SMARCD1: variants seen among roughly 807,000 people sequenced by gnomAD.
SMARCD1 encodes SWI/SNF-related matrix-associated actin-dependent regulator of chromatin subfamily D member 1.
Under a neutral mutation model 70.8 loss-of-function variants are expected in SMARCD1, and 16 were observed. The observed-to-expected ratio is 0.23, with a 90% confidence interval of 0.15 to 0.34. The LOEUF (loss-of-function observed/expected upper bound fraction) is 0.34. SMARCD1 is among the 10% of genes least tolerant of loss of function. The probability of loss-of-function intolerance (pLI) is 1.00; values close to 1 mark genes in which losing one functional copy is unlikely to be tolerated. For missense variants in SMARCD1, 409 were observed against 655.5 expected, an observed-to-expected ratio of 0.62 and a Z score of 4.11; for synonymous variants, 249 against 246.0, an observed-to-expected ratio of 1.01 and a Z score of -0.11.
At position 50,086,359 on chromosome 12, in the gene SMARCD1, C is replaced by G. The variant is rs770257414; in HGVS notation, c.365+11C>G. On this transcript the variant is annotated intron_variant, in intron 2 of 12. Transcript: ENST00000394963. The stretch of plus-strand genomic sequence containing the variant: ...AAATCGAAACCACAAGTAAGATGAT[C>G]CTGGGGCAGAGGGAGGGAGGGAGGG... 1.5e-5 allele frequency: 23 copies of G among 1,568,848 alleles called. No individual in the cohort carries two copies. The highest frequency in any genetic ancestry group is 1.8e-4 in the Middle Eastern group (1 of 5,690).
chr12:50,099,187 C>T lies in SMARCD1; in HGVS notation c.*187C>T. 1 of 628,064 alleles carries T rather than the reference C, an allele frequency of 1.6e-6. No individual in the cohort carries two copies. 38.9% of individuals were successfully genotyped at this position (628,064 alleles called of 1,614,324 possible). Reference sequence around the variant, plus strand: ...TCCTCTTCTTTCACCCTATCTCTTCCCACCCCCAGCTTCCCTTTGCCCCAC... The same window carrying T: ...TCCTCTTCTTTCACCCTATCTCTTCTCACCCCCAGCTTCCCTTTGCCCCAC... On this transcript the variant is annotated 3_prime_UTR_variant, in exon 13 of 13. Transcript: ENST00000394963.
chr12:50,091,215 T>C (rs553951572), intron 9 of SMARCD1, among the ~76,000 whole-genome samples: 1 of 152,160 alleles, frequency 6.6e-6, no homozygotes, highest in South Asian at 2.1e-4. Context: ...GATGTGCTTA[T>C]GTGTTACTGT....
In SMARCD1 at chr12:50,089,897, C is replaced by T. The variant is rs765056152; in HGVS notation, c.785C>T (p.Ala262Val). 5.6e-6 allele frequency: 9 copies of T among 1,614,092 alleles called. No homozygotes were observed. The highest frequency in any genetic ancestry group is 7.6e-6 in the Non-Finnish European group (9 of 1,179,960). The part of the protein sequence containing the change: ...DNHLVEWHRT[A>V]TTQETDGFQV... ...TCCTCTCTGTAGTGGCACAGGACCG[C>T]CACTACCCAGGAGACCGATGGCTTT... The change falls in exon 7 of 13, where the codon GCC (alanine) becomes GTC (valine). Residue 262 changes from alanine to valine, a missense_variant. Physicochemically the swap from Ala to Val is moderately conservative, Grantham distance 64. Coordinates refer to ENST00000394963, the MANE Select transcript of SMARCD1 (RefSeq NM_003076.5).
At chr12:50,091,658 C>T (rs1411342099) in intron 9 of SMARCD1, among the ~76,000 whole-genome samples, 1 of 151,984 alleles carries the variant, frequency 6.6e-6, no homozygotes, top group Non-Finnish European at 1.5e-5. Context: ...CTCACTGAAA[C>T]CTCCGCCACC....
At chr12:50,094,912 C>T (rs1040263327) in intron 10 of SMARCD1, among the ~76,000 whole-genome samples, 2 of 152,186 alleles carry the variant, frequency 1.3e-5, no homozygotes, top group Non-Finnish European at 2.9e-5. Context: ...ATTCTCCTGC[C>T]TCAGCCTCCC....
chr12:50,085,922 G>A, intron 1 of SMARCD1: 1 of 401,816 alleles, frequency 2.5e-6, no homozygotes, highest in Non-Finnish European at 4.4e-6. Context: ...AACTGGCGAT[G>A]TCCGATGTGT....
intron 10 of SMARCD1, among the ~76,000 whole-genome samples, chr12:50,096,434 C>CA (rs1950893733): frequency 6.6e-6 from 1 of 152,076 alleles, no homozygotes; most frequent in Non-Finnish European, 1.5e-5. Flanking sequence ...ATATACAAGT[C>CA]AAAGAAATTG....
In SMARCD1 at chr12:50,099,007, TC is replaced by T; in HGVS notation, c.*10del. On this transcript the variant is annotated 3_prime_UTR_variant, in exon 13 of 13. Coordinates refer to ENST00000394963, the MANE Select transcript of SMARCD1 (RefSeq NM_003076.5). ...GGGAATCCGGAATACATAGGGCCTCTCCCACAGCCCTGATTCGACTGCACCA... is the reference window on the plus strand; with the variant it reads ...GGGAATCCGGAATACATAGGGCCTCTCCACAGCCCTGATTCGACTGCACCA... 1 of 1,613,388 alleles carries T rather than the reference TC, an allele frequency of 6.2e-7. No individual in the cohort carries two copies. Among genetic ancestry groups the T allele is most frequent in the Non-Finnish European group, 8.5e-7 (1 of 1,179,344 alleles).
At chr12:50,090,938 C>T (rs1201817980) in intron 9 of SMARCD1, among the ~76,000 whole-genome samples, 1 of 148,726 alleles carries the variant, frequency 6.7e-6, no homozygotes, top group African/African-American at 2.5e-5. Flanking sequence ...CATTCTCCTG[C>T]CTCAGCCTCC....
At position 50,086,367 on chromosome 12, in the gene SMARCD1, A is replaced by AGAGG. The variant is rs749175151; in HGVS notation, c.365+35_365+38dup. The AGAGG allele has an allele frequency of 1.1e-5, 8 of 709,574 alleles. No individual in the cohort carries two copies. Among genetic ancestry groups the AGAGG allele is most frequent in the South Asian group, 3.0e-5 (2 of 66,286 alleles). The allele number at this position is 709,574 out of a possible 1,614,324, so 44.0% of individuals were successfully genotyped here. On this transcript the variant is annotated intron_variant, in intron 2 of 12. Coordinates refer to ENST00000394963, the MANE Select transcript of SMARCD1 (RefSeq NM_003076.5). ...ACCACAAGTAAGATGATCCTGGGGC[A>AGAGG]GAGGGAGGGAGGGAGGGAGCCTGGG...
intron 6 of SMARCD1, 31 bp from the exon 7 acceptor site, chr12:50,089,853 A>T: frequency 3.8e-6 from 5 of 1,302,706 alleles, no homozygotes; most frequent in Non-Finnish European, 5.5e-6. Context: ...TTCCTCTGGG[A>T]GAGCACCCCC....
Position 50,086,328 on chromosome 12 carries a change from G to A in SMARCD1, c.345G>A (p.Ala115=), listed in dbSNP as rs748214544. 2.1e-5 allele frequency: 34 copies of A among 1,598,464 alleles called. No individual in the cohort carries two copies. The highest frequency in any genetic ancestry group is 1.7e-4 in the Middle Eastern group (1 of 5,976). The change falls in exon 2 of 13, where the codon GCG becomes GCA. Residue 115 remains alanine, a synonymous_variant. Coordinates refer to ENST00000394963, the MANE Select transcript of SMARCD1 (RefSeq NM_003076.5). The stretch of plus-strand genomic sequence containing the variant: ...AGATCCAGCAGGTCCAGCAGCAGGC[G>A]GTCCAAAATCGAAACCACAAGTAAG... ...PQQIQQVQQQ[A]VQNRNHNAKK...
Position 50,089,872 on chromosome 12 carries a change from TC to T in SMARCD1, c.772-10del. On this transcript the variant is annotated splice_polypyrimidine_tract_variant and intron_variant, in intron 6 of 12. Coordinates refer to ENST00000394963, the MANE Select transcript of SMARCD1 (RefSeq NM_003076.5). The stretch of plus-strand genomic sequence containing the variant: ...TCTGGGAGAGCACCCCCTGACATCT[TC>T]CTCTCTGTAGTGGCACAGGACCGCC... 5.0e-6 allele frequency: 8 copies of T among 1,608,742 alleles called. No homozygotes were observed. The highest frequency in any genetic ancestry group is 6.8e-6 in the Non-Finnish European group (8 of 1,175,350).
chr12:50,086,019 GC>G lies in SMARCD1; in HGVS notation c.178-141del, dbSNP rs1376606284. On this transcript the variant is annotated intron_variant, in intron 1 of 12. Transcript: ENST00000394963. ...GTTTTTCTATGGAGTCACTACTGGAGCAAAGGGTTCTCCTCTCATTGTCCTC... is the reference window on the plus strand; with the variant it reads ...GTTTTTCTATGGAGTCACTACTGGAGAAAGGGTTCTCCTCTCATTGTCCTC... The G allele has an allele frequency of 7.2e-6, 4 of 553,148 alleles. No homozygotes were observed. The East Asian group carries it at 1.2e-4, about 16-fold the overall frequency. 34.3% of individuals were successfully genotyped at this position (553,148 alleles called of 1,614,324 possible). A position where few individuals can be genotyped will look rare whatever the true frequency, so the allele number is the denominator to read the frequency against.
intron 11 of SMARCD1, 65 bp from the exon 12 acceptor site, chr12:50,098,643 ATGGGTG>A: frequency 8.3e-7 from 1 of 1,199,528 alleles, no homozygotes; most frequent in Non-Finnish European, 1.2e-6. Context: ...TTACCCAATA[ATGGGTG>A]TGAAGGAAGG....
At chr12:50,088,764 A>C (rs935841337) in intron 6 of SMARCD1, 127 bp downstream of exon 6, 1 of 480,712 alleles carries the variant, frequency 2.1e-6, no homozygotes, top group African/African-American at 2.0e-5. Context: ...GTACCGCTCC[A>C]GGTGTACAGT....
At position 50,089,738 on chromosome 12, in the gene SMARCD1, T is replaced by C. The variant is rs747140736; in HGVS notation, c.772-146T>C. 7 of 592,684 alleles carry C rather than the reference T, an allele frequency of 1.2e-5. No homozygotes were observed. The African/African-American group carries it at 1.3e-4, about 11-fold the overall frequency. The allele number at this position is 592,684 out of a possible 1,614,324, so 36.7% of individuals were successfully genotyped here. ...CACAGACAGTAATCCCAAAGCCATA[T>C]GCAGTTTTTTAAAATGCCTCATGCT... On this transcript the variant is annotated intron_variant, in intron 6 of 12. Transcript: ENST00000394963.
intron 6 of SMARCD1, 51 bp from the exon 7 acceptor site, chr12:50,089,833 A>G (rs762426055): frequency 8.2e-7 from 1 of 1,217,446 alleles, no homozygotes; most frequent in South Asian, 1.2e-5. Flanking sequence ...CTTCCCTCCC[A>G]CCCCAGCTCT....
intron 9 of SMARCD1, 49 bp from the exon 10 acceptor site, chr12:50,094,388 G>A (rs778523475): frequency 5.0e-6 from 8 of 1,588,678 alleles, no homozygotes; most frequent in Non-Finnish European, 6.9e-6. Flanking sequence ...TGTGTAATTA[G>A]GTCTTAGGGG....
Sources: gnomAD v4.1 joint callset for allele counts (sites outside exome capture counted in the v4.1 genomes callset) on GRCh38, gnomAD v4.1.1 for gene constraint, MANE v1.5 for transcripts, NCBI Gene and HGNC (gene_info 2026-07-23, HGNC 2026-07-21) for gene names.